UGT1A8: variants seen among roughly 807,000 people sequenced by gnomAD.
UGT1A8 encodes UDP glucuronosyltransferase family 1 member A8.
In UGT1A8, 39 loss-of-function variants were observed where a neutral mutation model predicts 45.3. That is an observed-to-expected ratio of 0.86 (90% CI 0.67 to 1.12). The LOEUF (loss-of-function observed/expected upper bound fraction) is 1.12, where lower values mean the gene tolerates loss of function less well. Among genes scored for constraint, UGT1A8 ranks in the 50% most tolerant of loss-of-function variants. UGT1A8 has a pLI of 0.00. For missense variants in UGT1A8, 719 were observed against 664.9 expected (o/e 1.08, Z -0.90); for synonymous variants, 275 against 249.2 (o/e 1.10, Z -0.97).
chr2:233,689,611 C>T (rs1249641289), intron 1 of UGT1A8, among the ~76,000 whole-genome samples: 2 of 152,142 alleles, frequency 1.3e-5, no homozygotes, highest in Non-Finnish European at 2.9e-5. Flanking sequence ...GTTTAAAATT[C>T]GGGGTTAGCA....
chr2:233,728,660 C>T (rs557708388), intron 1 of UGT1A8, among the ~76,000 whole-genome samples: 3 of 152,280 alleles, frequency 2.0e-5, no homozygotes, highest in South Asian at 2.1e-4. Context: ...GGATGCGCTG[C>T]GTTACTCATA....
intron 1 of UGT1A8, chr2:233,648,489 C>G (rs2073659241): frequency 1.9e-5 from 3 of 158,616 alleles, no homozygotes; most frequent in Admixed American, 6.5e-5. Context: ...GAGACGGAGT[C>G]TTGCTCTGTC....
chr2:233,728,571 T>C lies in UGT1A8; in HGVS notation c.856-38463T>C, dbSNP rs61764026. 1.2e-3 allele frequency among the ~76,000 whole-genome samples: 176 copies of C among 152,316 alleles called. 7 individuals carry two copies. The East Asian group carries it at 0.026, about 22-fold the overall frequency. ...CTGATCCTTACAAGAAATATCCTGGTGCGAAAAACGACCAAAACCACATAG... is the reference window on the plus strand; with the variant it reads ...CTGATCCTTACAAGAAATATCCTGGCGCGAAAAACGACCAAAACCACATAG... On this transcript the variant is annotated intron_variant, in intron 1 of 4. Coordinates refer to ENST00000373450, the MANE Select transcript of UGT1A8 (RefSeq NM_019076.5).
intron 1 of UGT1A8, among the ~76,000 whole-genome samples, chr2:233,637,992 C>A (rs1047788214): frequency 1.3e-5 from 2 of 152,092 alleles, no homozygotes; most frequent in African/African-American, 4.8e-5. Flanking sequence ...CCATTTTCCA[C>A]TCTTTCCTTT....
At chr2:233,762,713 C>T (rs1377918494) in intron 1 of UGT1A8, among the ~76,000 whole-genome samples, 1 of 150,748 alleles carries the variant, frequency 6.6e-6, no homozygotes, top group South Asian at 2.1e-4. Context: ...AAGTATTTTA[C>T]ACGGTTTTTT....
chr2:233,618,078 G>T lies in UGT1A8; in HGVS notation c.371G>T (p.Cys124Phe). The change falls in exon 1 of 5, where the codon TGC becomes TTC. Residue 124 changes from cysteine (C) to phenylalanine (F), a missense_variant. Cys to Phe is a radical substitution (Grantham distance 205, BLOSUM62 -2). Transcript: ENST00000373450. ...TTTTTTAACTTATTTTTTTCGCATT[G>T]CAGGAGTTTGTTTAATGACCGAAAA... ...NGFFNLFFSH[C>F]RSLFNDRKLV... The T allele has an allele frequency of 6.2e-7, 1 of 1,613,980 alleles. No individual in the cohort carries two copies. The highest frequency in any genetic ancestry group is 8.5e-7 in the Non-Finnish European group (1 of 1,179,992).
chr2:233,768,039 G>T (rs1699553199), intron 3 of UGT1A8, 103 bp downstream of exon 3: 10 of 1,610,920 alleles, frequency 6.2e-6, no homozygotes, highest in Non-Finnish European at 8.5e-6. Flanking sequence ...AAATATTATG[G>T]CCAACATATC....
chr2:233,733,504 G>A lies in UGT1A8; in HGVS notation c.856-33530G>A, dbSNP rs556302512. ...TCCATCAATACCTAGTTTATTGCCA[G>A]TTTTAGGCATGAAGGGATGTTTAAT... On this transcript the variant is annotated intron_variant, in intron 1 of 4. Coordinates refer to ENST00000373450, the MANE Select transcript of UGT1A8 (RefSeq NM_019076.5). 2.0e-5 allele frequency among the ~76,000 whole-genome samples: 3 copies of A among 152,294 alleles called. No individual in the cohort carries two copies. In the South Asian group the frequency reaches 6.2e-4, roughly 32 times the overall value.
At chr2:233,693,627 G>T in intron 1 of UGT1A8, 2 of 1,614,182 alleles carry the variant, frequency 1.2e-6, no homozygotes, top group Non-Finnish European at 1.7e-6. Context: ...TTTTCCCAAC[G>T]AGTGGCCAAC....
At chr2:233,689,523 A>G (rs189708973) in intron 1 of UGT1A8, among the ~76,000 whole-genome samples, 31 of 152,380 alleles carry the variant, frequency 2.0e-4, no homozygotes, top group African/African-American at 7.5e-4. Flanking sequence ...TGGTTTGGTC[A>G]TGAGAAGTGA....
At chr2:233,725,000 CG>C (rs201780710) in intron 1 of UGT1A8, among the ~76,000 whole-genome samples, 7,734 of 147,282 alleles carry the variant, frequency 0.053, 1,119 homozygotes, top group African/African-American at 0.18. Context: ...GGCTGGAGAC[CG>C]GCCCGGCCAA....
At chr2:233,658,018 CTT>C (rs34352422) in intron 1 of UGT1A8, among the ~76,000 whole-genome samples, 29,760 of 128,172 alleles carry the variant, frequency 0.23, 2,995 homozygotes, top group East Asian at 0.48. Flanking sequence ...GTTTCCTCCT[CTT>C]TTTTTTTTTT....
chr2:233,671,807 ATT>A (rs3832043), intron 1 of UGT1A8: 45 of 1,372,614 alleles, frequency 3.3e-5, no homozygotes, highest in South Asian at 1.7e-4. Context: ...TCAGTGACTG[ATT>A]TTTTTTTTAT....
At chr2:233,652,679 C>T (rs150096802) in intron 1 of UGT1A8, among the ~76,000 whole-genome samples, 42 of 152,244 alleles carry the variant, frequency 2.8e-4, no homozygotes, top group Admixed American at 5.9e-4. Flanking sequence ...ACATCCTTGG[C>T]CAATTGATTT....
At chr2:233,730,577 T>C (rs1559376049) in intron 1 of UGT1A8, among the ~76,000 whole-genome samples, 1 of 152,254 alleles carries the variant, frequency 6.6e-6, no homozygotes, top group East Asian at 1.9e-4. Context: ...AAGTTCAGTT[T>C]CCAGACAGGG....
intron 1 of UGT1A8, among the ~76,000 whole-genome samples, chr2:233,724,164 AC>A (rs1305793865): frequency 2.6e-4 from 26 of 101,282 alleles, no homozygotes; most frequent in African/African-American, 4.5e-4. Flanking sequence ...GGGGGGGCTG[AC>A]CCCCCCATCT....
chr2:233,647,665 T>C (rs2125472036), intron 1 of UGT1A8, among the ~76,000 whole-genome samples: 1 of 152,336 alleles, frequency 6.6e-6, no homozygotes, highest in Non-Finnish European at 1.5e-5. Flanking sequence ...AAGTTGTAGA[T>C]TTTATTGGCA....
At chr2:233,636,180 A>T (rs373293648) in intron 1 of UGT1A8, among the ~76,000 whole-genome samples, 9 of 150,960 alleles carry the variant, frequency 6.0e-5, no homozygotes, top group South Asian at 2.1e-4. Context: ...AAATATTAGC[A>T]TTATTCAAAT....
intron 1 of UGT1A8, among the ~76,000 whole-genome samples, chr2:233,762,133 C>T (rs1697980653): frequency 6.6e-6 from 1 of 152,096 alleles, no homozygotes. Flanking sequence ...ATGTGGGGAC[C>T]TGTGTGACTT....
Sources: allele counts gnomAD v4.1 joint callset (sites outside exome capture counted in the v4.1 genomes callset), GRCh38; gene constraint gnomAD v4.1.1; transcripts MANE v1.5; gene names NCBI Gene and HGNC (gene_info 2026-07-23, HGNC 2026-07-21).